Variants in OAS1 observed in about 807,000 individuals in gnomAD.
OAS1 encodes 2'-5'-oligoadenylate synthase 1.
In OAS1, 24 loss-of-function variants were observed where a neutral mutation model predicts 38.5. That is an observed-to-expected ratio of 0.62 (90% CI 0.45 to 0.88). The LOEUF is 0.88. Among genes scored for constraint, OAS1 ranks in the 40% least tolerant of loss-of-function variants. The pLI is 0.00. For missense variants in OAS1, 482 were observed against 493.9 expected (o/e 0.98, Z 0.23); for synonymous variants, 169 against 193.9 (o/e 0.87, Z 1.07).
At chr12:112,911,521 T>C (rs1020282574) in intron 3 of OAS1, among the ~76,000 whole-genome samples, 1 of 152,078 alleles carries the variant, frequency 6.6e-6, no homozygotes. Flanking sequence ...TGTAAATAAC[T>C]GTTGAATAAA....
Position 112,908,687 on chromosome 12 carries a change from G to T in OAS1, c.332G>T (p.Arg111Ile). The T allele has an allele frequency of 6.2e-7, 1 of 1,614,198 alleles. No homozygotes were observed. The highest frequency in any genetic ancestry group is 8.5e-7 in the Non-Finnish European group (1 of 1,180,030). The change falls in exon 2 of 6, where the codon AGA (arginine) becomes ATA (isoleucine). Residue 111 changes from arginine to isoleucine, a missense_variant. By Grantham distance (97) the Arg-to-Ile change is moderately conservative. Coordinates refer to ENST00000202917, the MANE Select transcript of OAS1 (RefSeq NM_016816.4). ...AGGAGACAGCTGGAAGCCTGTCAAA[G>T]AGAGAGAGCATTTTCCGTGAAGTTT... is the stretch of plus-strand genomic sequence containing the variant. ...EIRRQLEACQ[R>I]ERAFSVKFEV...
Position 112,918,382 on chromosome 12 carries a change from C to T in OAS1, c.1038+682C>T, listed in dbSNP as rs549388444. 2.1e-5 allele frequency: 5 copies of T among 240,596 alleles called. No individual in the cohort carries two copies. In the South Asian group the frequency reaches 2.5e-4, roughly 12 times the overall value. The allele number at this position is 240,596 out of a possible 1,614,324, so 14.9% of individuals were successfully genotyped here. ...GTAGATATACCACACTTTCTTTATC[C>T]AGTTCACACTGATGGGCACTTAAGT... On this transcript the variant is annotated intron_variant, in intron 5 of 5. Transcript: ENST00000202917.
chr12:112,922,667 G>A (rs1481313987), downstream of OAS1, among the ~76,000 whole-genome samples: 1 of 152,158 alleles, frequency 6.6e-6, no homozygotes, highest in Non-Finnish European at 1.5e-5. Context: ...TGGCCTCGGG[G>A]AATGTTTTGT....
At chr12:112,927,813 G>A (rs960284189) in intron 6 of OAS1, among the ~76,000 whole-genome samples, 5 of 152,136 alleles carry the variant, frequency 3.3e-5, no homozygotes, top group South Asian at 2.1e-4. Flanking sequence ...TGGAGGTCAC[G>A]TCACAGTTCA....
At chr12:112,921,430 G>T (rs537827607), downstream of OAS1, among the ~76,000 whole-genome samples, 5 of 152,256 alleles carry the variant, frequency 3.3e-5, no homozygotes, top group South Asian at 1.0e-3. Context: ...TAGATTAATG[G>T]AATCAGTAAT....
At chr12:112,922,251 T>G (rs1384199125), downstream of OAS1, among the ~76,000 whole-genome samples, 1 of 152,142 alleles carries the variant, frequency 6.6e-6, no homozygotes, top group Non-Finnish European at 1.5e-5. Context: ...GCCTCCTCTT[T>G]GTTAATGGGG....
intron 6 of OAS1, among the ~76,000 whole-genome samples, chr12:112,928,254 G>T (rs2043572807): frequency 6.6e-6 from 1 of 152,210 alleles, no homozygotes; most frequent in Non-Finnish European, 1.5e-5. Flanking sequence ...GTCTCTCCCA[G>T]TTAAGACTGG....
rs996358586 is a variant in OAS1, at chr12:112,908,641, G to A, written c.286G>A (p.Gly96Arg). Residue 96 changes from glycine to arginine, a missense_variant, in exon 2 of 6, where the codon GGA (glycine) becomes AGA (arginine). Gly to Arg is a moderately radical substitution (Grantham distance 125). Coordinates refer to ENST00000202917, the MANE Select transcript of OAS1 (RefSeq NM_016816.4). ...TTFQDQLNRRGEFIQEIRRQL... is the reference protein window; with the variant it reads ...TTFQDQLNRRREFIQEIRRQL... ...TTTTCAGGATCAGTTAAATCGCCGG[G>A]GAGAGTTCATCCAGGAAATTAGGAG... The A allele has an allele frequency of 6.2e-7, 1 of 1,614,058 alleles. No homozygotes were observed. The highest frequency in any genetic ancestry group is 8.5e-7 in the Non-Finnish European group (1 of 1,180,048).
intron 5 of OAS1, chr12:112,918,784 G>A (rs1406704038): frequency 1.1e-5 from 4 of 348,286 alleles, no homozygotes; most frequent in Non-Finnish European, 2.4e-5. Context: ...AGTGACTTGG[G>A]TTGTCACACA....
At chr12:112,915,820 T>C (rs2043447000) in intron 3 of OAS1, among the ~76,000 whole-genome samples, 1 of 152,216 alleles carries the variant, frequency 6.6e-6, no homozygotes, top group South Asian at 2.1e-4. Flanking sequence ...TAGTTTTCCT[T>C]GTAGAGTTCC....
chr12:112,925,829 A>G (rs900089462), intron 6 of OAS1, among the ~76,000 whole-genome samples: 4 of 152,190 alleles, frequency 2.6e-5, no homozygotes, highest in African/African-American at 7.2e-5. Flanking sequence ...TTTGGGTGCA[A>G]TTGTGGCTCT....
At chr12:112,908,981 C>A in intron 2 of OAS1, 157 bp downstream of exon 2, 1 of 719,866 alleles carries the variant, frequency 1.4e-6, no homozygotes, top group South Asian at 2.4e-5. Context: ...CGGTCATGAT[C>A]TATCACAGGA....
At chr12:112,922,351 TC>T (rs1312316499), downstream of OAS1, among the ~76,000 whole-genome samples, 1 of 152,116 alleles carries the variant, frequency 6.6e-6, no homozygotes, top group Non-Finnish European at 1.5e-5. Flanking sequence ...CCCCTGGTCG[TC>T]CGGCCTTGAT....
intron 4 of OAS1, 142 bp downstream of exon 4, chr12:112,916,880 C>T (rs1215595829): frequency 1.5e-6 from 1 of 662,712 alleles, no homozygotes; most frequent in African/African-American, 1.8e-5. Context: ...GGGCATTTTA[C>T]TACTGCCATC....
intron 3 of OAS1, among the ~76,000 whole-genome samples, chr12:112,912,042 T>C (rs2043389726): frequency 6.6e-6 from 1 of 152,182 alleles, no homozygotes; most frequent in Non-Finnish European, 1.5e-5. Flanking sequence ...GTAGCAGAAG[T>C]AAAATTTGAA....
chr12:112,927,010 G>C (rs1179101213), intron 6 of OAS1, among the ~76,000 whole-genome samples: 1 of 152,088 alleles, frequency 6.6e-6, no homozygotes. Context: ...GCTCTGTCTT[G>C]CCTGGCTCCC....
chr12:112,918,031 A>C, intron 5 of OAS1: 5 of 902,352 alleles, frequency 5.5e-6, no homozygotes, highest in East Asian at 4.7e-5. Flanking sequence ...CAACAATCCC[A>C]TGAGGCATTT....
In OAS1 at chr12:112,919,095, A is replaced by G. The variant is rs111419777; in HGVS notation, c.1039-294A>G. 418 of 362,072 alleles carry G rather than the reference A, an allele frequency of 1.2e-3. 2 individuals carry two copies. Among genetic ancestry groups the G allele is most frequent in the African/African-American group, 8.2e-3 (396 of 48,488 alleles). The allele number at this position is 362,072 out of a possible 1,614,324, so 22.4% of individuals were successfully genotyped here. A position where few individuals can be genotyped will look rare whatever the true frequency, so the allele number is the denominator to read the frequency against. The stretch of plus-strand genomic sequence containing the variant: ...CTGGAATGGCCTTTAGAGCTGCCCC[A>G]TGGTGACAGAGGTGGCCAGGCTTCT... On this transcript the variant is annotated intron_variant, in intron 5 of 5. Transcript: ENST00000202917.
At position 112,911,066 on chromosome 12, in the gene OAS1, G is replaced by A. The variant is rs766821437; in HGVS notation, c.485G>A (p.Gly162Asp). 1.2e-6 allele frequency: 2 copies of A among 1,613,674 alleles called. No individual in the cohort carries two copies. Among genetic ancestry groups the A allele is most frequent in the Non-Finnish European group, 1.7e-6 (2 of 1,179,796 alleles). The stretch of plus-strand genomic sequence containing the variant: ...GCCCGAACAGGTCAGTTGACTGGCG[G>A]CTATAAACCTAACCCCCAAATCTAT... ...AFDALGQLTG[G>D]YKPNPQIYVK... Residue 162 changes from glycine to aspartate, a missense_variant, in exon 3 of 6, where the codon GGC becomes GAC. Transcript: ENST00000202917.
Sources: gnomAD v4.1 joint callset for allele counts (sites outside exome capture counted in the v4.1 genomes callset) on GRCh38, gnomAD v4.1.1 for gene constraint, MANE v1.5 for transcripts, NCBI Gene and HGNC (gene_info 2026-07-23, HGNC 2026-07-21) for gene names.